PPARG: variants seen among roughly 807,000 people sequenced by gnomAD.
The protein encoded by PPARG is peroxisome proliferator-activated receptor gamma.
In PPARG, 17 loss-of-function variants were observed where a neutral mutation model predicts 39.2. The ratio of observed to expected loss-of-function variants is 0.43; its 90% CI spans 0.30 to 0.65. The LOEUF (loss-of-function observed/expected upper bound fraction) is 0.65. Ranked by LOEUF, PPARG falls within the 30% of genes least tolerant of loss-of-function variation. The pLI is 0.13. For synonymous variants in PPARG, 223 were observed against 215.7 expected (o/e 1.03, Z -0.30); for missense variants, 406 against 585.9 (o/e 0.69, Z 3.17).
At chr3:12,307,746 G>A (rs923621229) in intron 1 of PPARG, among the ~76,000 whole-genome samples, 1 of 152,078 alleles carries the variant, frequency 6.6e-6, no homozygotes, top group African/African-American at 2.4e-5. Context: ...TATATGAGAA[G>A]GGTTGCTTTG....
At chr3:12,428,637 C>T (rs985033014) in intron 7 of PPARG, among the ~76,000 whole-genome samples, 8 of 152,044 alleles carry the variant, frequency 5.3e-5, no homozygotes, top group African/African-American at 1.9e-4. Context: ...TGGCTTAGCT[C>T]AGTAAAGGAC....
intron 7 of PPARG, among the ~76,000 whole-genome samples, chr3:12,426,186 A>G (rs185803754): frequency 6.6e-6 from 1 of 152,304 alleles, no homozygotes; most frequent in East Asian, 1.9e-4. Context: ...CATATATATT[A>G]TTGTTATCAG....
intron 2 of PPARG, among the ~76,000 whole-genome samples, chr3:12,312,945 C>T (rs559911636): frequency 2.6e-5 from 4 of 152,126 alleles, no homozygotes; most frequent in African/African-American, 9.7e-5. Context: ...AAACTACTTC[C>T]TTCCTGGAAC....
chr3:12,422,370 G>T (rs977498773), intron 7 of PPARG, among the ~76,000 whole-genome samples: 1 of 152,168 alleles, frequency 6.6e-6, no homozygotes, highest in Non-Finnish European at 1.5e-5. Context: ...ATTTAAAGAG[G>T]TTAAGCAGTT....
At chr3:12,367,965 G>T (rs970971509) in intron 2 of PPARG, among the ~76,000 whole-genome samples, 4 of 151,714 alleles carry the variant, frequency 2.6e-5, no homozygotes, top group Admixed American at 2.6e-4. Flanking sequence ...TTTCCTGTGA[G>T]ACCTTCTGGC....
chr3:12,404,308 C>G (rs1151996), intron 5 of PPARG, among the ~76,000 whole-genome samples: 1 of 152,002 alleles, frequency 6.6e-6, no homozygotes. Context: ...AGGCCCCTAC[C>G]AAACAATAGT....
intron 2 of PPARG, among the ~76,000 whole-genome samples, chr3:12,373,610 T>G (rs2049299035): frequency 6.6e-6 from 1 of 151,964 alleles, no homozygotes; most frequent in Non-Finnish European, 1.5e-5. Flanking sequence ...AAAATGAAAA[T>G]TTACTCTACT....
chr3:12,336,934 C>A (rs1159792363), intron 2 of PPARG, among the ~76,000 whole-genome samples: 1 of 152,182 alleles, frequency 6.6e-6, no homozygotes, highest in African/African-American at 2.4e-5. Flanking sequence ...AATACAGTAG[C>A]TTGTCTGTTT....
chr3:12,417,888 CTTTTTTTTTTTT>C (rs2051124520), intron 7 of PPARG, among the ~76,000 whole-genome samples: 12 of 64,062 alleles, frequency 1.9e-4, no homozygotes, highest in African/African-American at 8.8e-4. Flanking sequence ...TTTTTTTTTT[CTTTTTTTTTTTT>C]CCTTTTTTTT....
At chr3:12,340,267 T>C (rs1358828211) in intron 2 of PPARG, among the ~76,000 whole-genome samples, 1 of 152,228 alleles carries the variant, frequency 6.6e-6, no homozygotes, top group African/African-American at 2.4e-5. Context: ...AATTAAGCAA[T>C]CTGCCTCCTT....
chr3:12,337,145 A>G (rs781538672), intron 2 of PPARG, among the ~76,000 whole-genome samples: 1 of 152,246 alleles, frequency 6.6e-6, no homozygotes, highest in Non-Finnish European at 1.5e-5. Flanking sequence ...ATTGGCATTC[A>G]AAGAGCATTT....
intron 7 of PPARG, among the ~76,000 whole-genome samples, chr3:12,425,796 G>A (rs1197253218): frequency 2.0e-5 from 3 of 152,196 alleles, no homozygotes; most frequent in Non-Finnish European, 2.9e-5. Context: ...GAGTGACCTG[G>A]AATGACTAGA....
chr3:12,360,536 T>C (rs1309197750), intron 2 of PPARG, among the ~76,000 whole-genome samples: 1 of 149,792 alleles, frequency 6.7e-6, no homozygotes, highest in Non-Finnish European at 1.5e-5. Flanking sequence ...TCCAAATCAT[T>C]TTCACAAGTG....
At chr3:12,404,285 C>T (rs1218166430) in intron 5 of PPARG, among the ~76,000 whole-genome samples, 1 of 152,232 alleles carries the variant, frequency 6.6e-6, no homozygotes, top group Non-Finnish European at 1.5e-5. Context: ...ACACCCAAGT[C>T]TGGTCTCTAA....
chr3:12,377,432 C>T lies in PPARG; in HGVS notation c.-8-2272C>T, dbSNP rs111651579. 9.9e-5 allele frequency among the ~76,000 whole-genome samples: 15 copies of T among 151,984 alleles called. No homozygotes were observed. The South Asian group carries it at 1.5e-3, about 15-fold the overall frequency. On this transcript the variant is annotated intron_variant, in intron 2 of 7. Coordinates refer to ENST00000651735, the MANE Select transcript of PPARG (RefSeq NM_138711.6). ...TTCTCAATGTGGGGAAAACTTTCTCCGCTTTAAGAAAAGGTGTATCCACAG... is the reference window on the plus strand; with the variant it reads ...TTCTCAATGTGGGGAAAACTTTCTCTGCTTTAAGAAAAGGTGTATCCACAG...
intron 1 of PPARG, among the ~76,000 whole-genome samples, chr3:12,304,438 C>T (rs1046802643): frequency 2.6e-5 from 4 of 152,138 alleles, no homozygotes; most frequent in Non-Finnish European, 5.9e-5. Context: ...GATAGCCTTA[C>T]TATATTTTGG....
At chr3:12,323,670 A>G (rs1330421048) in intron 2 of PPARG, among the ~76,000 whole-genome samples, 1 of 152,076 alleles carries the variant, frequency 6.6e-6, no homozygotes, top group East Asian at 1.9e-4. Flanking sequence ...GTTAATCTGG[A>G]TTTAAACTGA....
At chr3:12,314,088 C>T (rs1216728008) in intron 2 of PPARG, among the ~76,000 whole-genome samples, 1 of 152,026 alleles carries the variant, frequency 6.6e-6, no homozygotes. Flanking sequence ...ACCAGACTGG[C>T]CAACATGGTG....
chr3:12,403,696 A>G (rs1048372522), intron 5 of PPARG, among the ~76,000 whole-genome samples: 4 of 152,092 alleles, frequency 2.6e-5, no homozygotes, highest in African/African-American at 7.2e-5. Flanking sequence ...AATATTTTCA[A>G]TCCACAGTTG....
Sources: gnomAD v4.1 joint callset for allele counts (sites outside exome capture counted in the v4.1 genomes callset) on GRCh38, gnomAD v4.1.1 for gene constraint, MANE v1.5 for transcripts, NCBI Gene and HGNC (gene_info 2026-07-23, HGNC 2026-07-21) for gene names.